Variants in ATAD2 observed in about 807,000 individuals in gnomAD.
ATAD2 encodes ATPase family AAA domain-containing protein 2.
ATAD2 carries 62 observed loss-of-function variants against 168.9 expected under a neutral mutation model. The ratio of observed to expected loss-of-function variants is 0.37; its 90% CI spans 0.30 to 0.45. The LOEUF is 0.45. Ranked by LOEUF, ATAD2 falls within the 20% of genes least tolerant of loss-of-function variation. The pLI is 1.00. For missense variants in ATAD2, 1,419 were observed against 1,667.8 expected, an observed-to-expected ratio of 0.85 and a Z score of 2.60; for synonymous variants, 613 against 571.6, an observed-to-expected ratio of 1.07 and a Z score of -1.03.
upstream of ATAD2, among the ~76,000 whole-genome samples, chr8:123,397,005 A>G (rs1431851681): frequency 1.3e-5 from 2 of 151,974 alleles, no homozygotes; most frequent in Non-Finnish European, 2.9e-5. Flanking sequence ...AAACACAAGG[A>G]GCTAAAAGCG....
At position 123,344,834 on chromosome 8, in the gene ATAD2, T is replaced by C. The variant is rs373515091; in HGVS notation, c.2718+50A>G. 9.6e-6 allele frequency: 15 copies of C among 1,567,984 alleles called. No individual in the cohort carries two copies. In the African/African-American group the frequency reaches 1.4e-4, roughly 14 times the overall value. On this transcript the variant is annotated intron_variant, in intron 19 of 27. Coordinates refer to ENST00000287394, the MANE Select transcript of ATAD2 (RefSeq NM_014109.4). ...TTTCAATAAGTTATGATTATTGTGG[T>C]AGAAACAACTCTTTTTGAAAGTATA...
At chr8:123,383,341 T>C (rs983922821) in intron 1 of ATAD2, among the ~76,000 whole-genome samples, 4 of 152,142 alleles carry the variant, frequency 2.6e-5, no homozygotes, top group Admixed American at 2.6e-4. Flanking sequence ...ACTTAAAATA[T>C]AATTTTAAAA....
rs371563053 is a variant in ATAD2, at chr8:123,414,307, A to G, written c.-2282+1941T>C. 3.3e-5 allele frequency among the ~76,000 whole-genome samples: 5 copies of G among 152,122 alleles called. No homozygotes were observed. The East Asian group carries it at 7.7e-4, about 23-fold the overall frequency. On this transcript the variant is annotated intron_variant, in intron 1 of 28. Coordinates refer to the ATAD2 transcript ENST00000521903. ...TCATTTTACAGATGAGGAAAGTGAG[A>G]CACAGAAGAGTGAAGTAACTTTGCC... is the stretch of plus-strand genomic sequence containing the variant.
At chr8:123,395,470 C>T (rs1198230298) in intron 1 of ATAD2, among the ~76,000 whole-genome samples, 1 of 152,168 alleles carries the variant, frequency 6.6e-6, no homozygotes, top group Non-Finnish European at 1.5e-5. Context: ...AGCATGACGG[C>T]ATAGAAAGGG....
chr8:123,355,743 T>C (rs1828621527), intron 13 of ATAD2, among the ~76,000 whole-genome samples: 1 of 152,206 alleles, frequency 6.6e-6, no homozygotes, highest in South Asian at 2.1e-4. Context: ...AGGTCAGAGA[T>C]AAAAGCAACT....
intron 6 of ATAD2, among the ~76,000 whole-genome samples, chr8:123,370,509 T>C (rs955908059): frequency 1.3e-5 from 2 of 152,124 alleles, no homozygotes; most frequent in African/African-American, 2.4e-5. Context: ...TGGTAAAACA[T>C]GCTCACCAAA....
intron 1 of ATAD2, among the ~76,000 whole-genome samples, chr8:123,388,253 T>C (rs944407771): frequency 6.6e-6 from 1 of 152,182 alleles, no homozygotes; most frequent in Admixed American, 6.5e-5. Context: ...TGGAGTACAG[T>C]GGCACAATCA....
chr8:123,331,207 T>G (rs762073819), intron 24 of ATAD2, among the ~76,000 whole-genome samples: 1 of 151,324 alleles, frequency 6.6e-6, no homozygotes, highest in South Asian at 2.1e-4. Context: ...TCCCAAAGTG[T>G]TGGGATTACA....
chr8:123,336,411 C>T lies in ATAD2; in HGVS notation c.3173G>A (p.Ser1058Asn), dbSNP rs373828023. Residue 1058 changes from serine to asparagine, a missense_variant, in exon 22 of 28, where the codon AGT becomes AAT. Ser to Asn is a conservative substitution (Grantham distance 46, BLOSUM62 1). Around this residue, in one of 5 missense-constraint regions of ATAD2, gnomAD observed 545 missense variants for 724.9 expected, o/e 0.75. Coordinates refer to ENST00000287394, the MANE Select transcript of ATAD2 (RefSeq NM_014109.4). Reference protein sequence around the residue: ...DYLRDIDLICSNALEYNPDRD... With the variant: ...DYLRDIDLICNNALEYNPDRD... ...ATCTGGATTGTATTCTAAGGCATTA[C>T]TACAGATTAGATCAATATCTCTCAA... The T allele has an allele frequency of 2.5e-5, 39 of 1,583,704 alleles. No homozygotes were observed. The East Asian group carries it at 2.5e-4, about 10-fold the overall frequency.
Position 123,359,641 on chromosome 8 carries a change from T to A in ATAD2, c.1202A>T (p.Tyr401Phe). 1 of 1,612,552 alleles carries A rather than the reference T, an allele frequency of 6.2e-7. No individual in the cohort carries two copies. The highest frequency in any genetic ancestry group is 8.5e-7 in the Non-Finnish European group (1 of 1,179,656). ...TGCTCCAATTTTCATTCGATCTTTA[T>A]AAATGCCTTTTAATTCATCTTTCCG... Reference protein sequence around the residue: ...NFRKDELKGIYKDRMKIGASL... With the variant: ...NFRKDELKGIFKDRMKIGASL... The change falls in exon 10 of 28, where the codon TAT (tyrosine) becomes TTT (phenylalanine). Residue 401 changes from tyrosine (Y) to phenylalanine (F), a missense_variant. Tyr to Phe is a conservative substitution (Grantham distance 22, BLOSUM62 3). Around this residue, in one of 5 missense-constraint regions of ATAD2, gnomAD observed 146 missense variants for 188.3 expected, o/e 0.78. Transcript: ENST00000287394.
Position 123,371,777 on chromosome 8 carries a change from T to C in ATAD2, c.429A>G (p.Glu143=). Residue 143 remains glutamate, a synonymous_variant, in exon 4 of 28, where the codon GAA becomes GAG. Coordinates refer to ENST00000287394, the MANE Select transcript of ATAD2 (RefSeq NM_014109.4). The part of the protein sequence containing the change: ...LRARNIVQST[E]HLHEDNGDVE... ...CATCACCATTATCTTCATGTAAGTGTTCTGTACTTTGAACGATGTTTCTAG... is the reference window on the plus strand; with the variant it reads ...CATCACCATTATCTTCATGTAAGTGCTCTGTACTTTGAACGATGTTTCTAG... The C allele has an allele frequency of 6.2e-7, 1 of 1,612,974 alleles. No homozygotes were observed. The highest frequency in any genetic ancestry group is 8.5e-7 in the Non-Finnish European group (1 of 1,179,630).
In ATAD2 at chr8:123,356,499, C is replaced by A; in HGVS notation, c.1558-22G>T. 5 of 1,561,924 alleles carry A rather than the reference C, an allele frequency of 3.2e-6. No individual in the cohort carries two copies. The South Asian group carries it at 5.7e-5, about 18-fold the overall frequency. ...AGGCCTAGAAAGTAGGTGGAGTGGT[C>A]ATTTGTTAGCATAAACAGCCTCAAA... On this transcript the variant is annotated intron_variant, in intron 12 of 27. Transcript: ENST00000287394.
At chr8:123,405,420 C>CTT (rs112395027) in intron 1 of ATAD2, among the ~76,000 whole-genome samples, 28,103 of 148,446 alleles carry the variant, frequency 0.19, 3,383 homozygotes, top group South Asian at 0.31. Context: ...TGAAGCCTGG[C>CTT]TTTTTTTTTT....
chr8:123,325,857 T>C lies in ATAD2; in HGVS notation c.4002+36A>G, dbSNP rs367661902. 2.9e-5 allele frequency: 47 copies of C among 1,607,348 alleles called. No individual in the cohort carries two copies. In the South Asian group the frequency reaches 5.1e-4, roughly 17 times the overall value. ...AGCCAGTGTTTGGGGATTAGTAATC[T>C]GCAGAGTAAAAGCATTATGATTTCA... On this transcript the variant is annotated intron_variant, in intron 26 of 27. Transcript: ENST00000287394.
rs562569342 is a variant in ATAD2 at position 123,402,624 on chromosome 8, C to T, written c.-2281-1449G>A. Among the ~76,000 whole-genome samples, 7 of 152,128 alleles carry T rather than the reference C, an allele frequency of 4.6e-5. No homozygotes were observed. Among genetic ancestry groups the T allele is most frequent in the Non-Finnish European group, 8.8e-5 (6 of 68,020 alleles). ...CTGCTCCTCAGGCCACTCCCCTGTC[C>T]CTGGCCCTGGGGAGAAGGCTGCTCT... is the stretch of plus-strand genomic sequence containing the variant. On this transcript the variant is annotated intron_variant, in intron 1 of 28. Coordinates refer to the ATAD2 transcript ENST00000521903. The surrounding 1 kb of genome is among the most constrained non-coding windows in gnomAD (Gnocchi z 4.8).
chr8:123,365,492 C>A (rs1460266763), intron 8 of ATAD2, among the ~76,000 whole-genome samples: 1 of 152,124 alleles, frequency 6.6e-6, no homozygotes, highest in East Asian at 1.9e-4. Flanking sequence ...GCAAAAAGAA[C>A]AAATCTGGAA....
At chr8:123,346,359 T>C in intron 17 of ATAD2, 87 bp from the exon 18 acceptor site, 1 of 1,296,824 alleles carries the variant, frequency 7.7e-7, no homozygotes, top group Non-Finnish European at 1.0e-6. Context: ...CTTTCATAAG[T>C]AAAAAGTCTT....
intron 27 of ATAD2, among the ~76,000 whole-genome samples, chr8:123,322,551 C>T (rs898073432): frequency 2.6e-5 from 4 of 152,128 alleles, no homozygotes; most frequent in African/African-American, 9.6e-5. Context: ...TGCCTGTGGT[C>T]CCAGCTACTT....
upstream of ATAD2, among the ~76,000 whole-genome samples, chr8:123,399,180 T>G (rs1159197457): frequency 1.3e-5 from 2 of 151,612 alleles, no homozygotes; most frequent in Non-Finnish European, 2.9e-5. Flanking sequence ...GGGGATTGCT[T>G]GAACCTGGGA....
Sources: allele counts gnomAD v4.1 joint callset (sites outside exome capture counted in the v4.1 genomes callset), GRCh38; gene constraint gnomAD v4.1.1; regional missense constraint gnomAD v4.1.1; non-coding constraint Gnocchi (gnomAD v3.1); transcripts MANE v1.5; gene names NCBI Gene and HGNC (gene_info 2026-07-23, HGNC 2026-07-21).